Variants in MYH10 observed in about 807,000 individuals in gnomAD.
The protein encoded by MYH10 is myosin-10.
A neutral mutation model predicts 257.8 loss-of-function variants in MYH10; 55 were observed. The observed-to-expected ratio is 0.21, with a 90% CI of 0.17 to 0.27. The LOEUF is 0.27. Among genes scored for constraint, MYH10 ranks in the 10% least tolerant of loss-of-function variants. MYH10 has a pLI of 1.00. For missense variants in MYH10, 1,631 were observed against 2,500.6 expected (o/e 0.65, Z 7.42); for synonymous variants, 854 against 921.7 (o/e 0.93, Z 1.33).
At chr17:8,594,877 T>C (rs574335694) in intron 3 of MYH10, among the ~76,000 whole-genome samples, 12 of 152,316 alleles carry the variant, frequency 7.9e-5, no homozygotes, top group Admixed American at 7.2e-4. Context: ...AGAACAAAAG[T>C]CTGTCTGTAC....
intron 4 of MYH10, among the ~76,000 whole-genome samples, chr17:8,581,697 T>C (rs897866461): frequency 6.6e-6 from 1 of 152,148 alleles, no homozygotes; most frequent in Non-Finnish European, 1.5e-5. Context: ...TCCTAATACA[T>C]AGGGTTGTTG....
chr17:8,567,073 A>C (rs1215836342), intron 7 of MYH10, among the ~76,000 whole-genome samples: 1 of 152,196 alleles, frequency 6.6e-6, no homozygotes, highest in Non-Finnish European at 1.5e-5. Flanking sequence ...ATCTTGATGG[A>C]GATTCACATA....
intron 2 of MYH10, among the ~76,000 whole-genome samples, chr17:8,612,118 T>C (rs1432608216): frequency 5.3e-5 from 8 of 152,228 alleles, no homozygotes; most frequent in Admixed American, 5.2e-4. Flanking sequence ...AATTATCCCT[T>C]CGTCCAGCAT....
Position 8,603,649 on chromosome 17 carries a change from ATTC to A in MYH10, c.502+1174_502+1176del, listed in dbSNP as rs1190006220. On this transcript the variant is annotated intron_variant, in intron 3 of 42. Coordinates refer to ENST00000360416, the MANE Select transcript of MYH10 (RefSeq NM_001256012.3). ...AAACACTCTTCTGCATCTAAAGATC[ATTC>A]TTCTTAACAGAGACAGAACCAAAAA... 2.0e-5 allele frequency among the ~76,000 whole-genome samples: 3 copies of A among 152,190 alleles called. 1 individual carries two copies. The highest frequency in any genetic ancestry group is 4.1e-4 in the South Asian group (2 of 4,828).
intron 4 of MYH10, among the ~76,000 whole-genome samples, chr17:8,585,305 T>TATATATATAG (rs1280592767): frequency 4.9e-5 from 7 of 143,624 alleles, no homozygotes; most frequent in Non-Finnish European, 7.6e-5. Flanking sequence ...TATATATATA[T>TATATATATAG]AGCTACATAT....
At chr17:8,524,983 C>T (rs752984729) in intron 17 of MYH10, among the ~76,000 whole-genome samples, 5 of 152,164 alleles carry the variant, frequency 3.3e-5, no homozygotes, top group Non-Finnish European at 5.9e-5. Flanking sequence ...AAGGAGACCA[C>T]GCTTCAGAGT....
chr17:8,601,080 T>C (rs893662607), intron 3 of MYH10, among the ~76,000 whole-genome samples: 5 of 152,230 alleles, frequency 3.3e-5, no homozygotes, highest in South Asian at 2.1e-4. Flanking sequence ...TAAATTTTCA[T>C]TGTGGCCTAA....
At chr17:8,580,105 C>T (rs551717162) in intron 4 of MYH10, among the ~76,000 whole-genome samples, 14 of 151,912 alleles carry the variant, frequency 9.2e-5, no homozygotes, top group South Asian at 4.2e-4. Flanking sequence ...CAAGCCTGGG[C>T]GACAGAGCGA....
intron 1 of MYH10, among the ~76,000 whole-genome samples, chr17:8,623,944 C>T (rs143721877): frequency 0.013 from 1,924 of 152,226 alleles, 27 homozygotes; most frequent in Non-Finnish European, 0.014. Flanking sequence ...TATTCCCATC[C>T]TGCAGCTCCT....
At chr17:8,483,331 G>T (rs1914182881) in intron 37 of MYH10, among the ~76,000 whole-genome samples, 1 of 152,176 alleles carries the variant, frequency 6.6e-6, no homozygotes, top group Admixed American at 6.5e-5. Context: ...AAAATGGTGA[G>T]ATAGAGGACA....
intron 2 of MYH10, among the ~76,000 whole-genome samples, chr17:8,619,111 T>C (rs916977810): frequency 3.9e-5 from 6 of 152,228 alleles, no homozygotes; most frequent in East Asian, 1.9e-4. Flanking sequence ...CCATCATACA[T>C]TGATATGCAT....
chr17:8,566,362 A>T (rs1436381392), intron 7 of MYH10, among the ~76,000 whole-genome samples: 1 of 152,190 alleles, frequency 6.6e-6, no homozygotes, highest in African/African-American at 2.4e-5. Flanking sequence ...ATAGAAGACA[A>T]TAGAAGAAGG....
At chr17:8,578,557 G>A (rs1007034727) in intron 4 of MYH10, among the ~76,000 whole-genome samples, 1 of 152,116 alleles carries the variant, frequency 6.6e-6, no homozygotes, top group African/African-American at 2.4e-5. Flanking sequence ...ATAGGCAGAC[G>A]TAATTTGTTG....
intron 2 of MYH10, among the ~76,000 whole-genome samples, chr17:8,606,255 A>G (rs1014628425): frequency 9.2e-5 from 14 of 152,220 alleles, no homozygotes; most frequent in Non-Finnish European, 2.9e-5. Context: ...AAATGTAGAC[A>G]GAATGATTTC....
At position 8,621,302 on chromosome 17, in the gene MYH10, C is replaced by A. The variant is rs527237328; in HGVS notation, c.345+1600G>T. Among the ~76,000 whole-genome samples, 185 of 152,284 alleles carry A rather than the reference C, an allele frequency of 1.2e-3. 1 individual carries two copies. The highest frequency in any genetic ancestry group is 6.8e-3 in the Middle Eastern group (2 of 294). On this transcript the variant is annotated intron_variant, in intron 2 of 42. Coordinates refer to ENST00000360416, the MANE Select transcript of MYH10 (RefSeq NM_001256012.3). ...TAATTTTGCAGTTTTCTCACTCCTTCACCCCATGATCCCTGTTCCTCAACA... is the reference window on the plus strand; with the variant it reads ...TAATTTTGCAGTTTTCTCACTCCTTAACCCCATGATCCCTGTTCCTCAACA...
intron 4 of MYH10, among the ~76,000 whole-genome samples, chr17:8,580,178 A>C (rs570544838): frequency 6.6e-6 from 1 of 152,222 alleles, no homozygotes; most frequent in South Asian, 2.1e-4. Flanking sequence ...GCATACTTCC[A>C]AGCCAGCACC....
intron 21 of MYH10, 71 bp downstream of exon 21, chr17:8,518,560 G>C (rs2081551610): frequency 7.3e-6 from 11 of 1,510,076 alleles, no homozygotes; most frequent in Non-Finnish European, 9.9e-6. Context: ...TTGCACCCCA[G>C]GTCAAAATGC....
At chr17:8,625,287 C>T (rs2085632101) in intron 1 of MYH10, among the ~76,000 whole-genome samples, 1 of 152,072 alleles carries the variant, frequency 6.6e-6, no homozygotes, top group Admixed American at 6.5e-5. Context: ...AAATAATTTA[C>T]TAGAACCAAA....
intron 2 of MYH10, among the ~76,000 whole-genome samples, chr17:8,616,498 C>T (rs2085267185): frequency 6.6e-6 from 1 of 151,506 alleles, no homozygotes; most frequent in Admixed American, 6.6e-5. Context: ...TATCTATATA[C>T]CATATGAATA....
Sources: gnomAD v4.1 joint callset for allele counts (sites outside exome capture counted in the v4.1 genomes callset) on GRCh38, gnomAD v4.1.1 for gene constraint, MANE v1.5 for transcripts, NCBI Gene and HGNC (gene_info 2026-07-23, HGNC 2026-07-21) for gene names.